The following TDRD1 variants were observed in gnomAD, a reference collection of about 807,000 sequenced individuals.
The protein encoded by TDRD1 is tudor domain-containing protein 1.
TDRD1 carries 37 observed loss-of-function variants against 140.6 expected under a neutral mutation model. The ratio of observed to expected loss-of-function variants is 0.26; its 90% confidence interval spans 0.20 to 0.35. TDRD1 has a LOEUF of 0.35. Among genes scored for constraint, TDRD1 ranks in the 10% least tolerant of loss-of-function variants. The pLI is 1.00. For missense variants in TDRD1, 1,243 were observed against 1,393.0 expected (o/e 0.89, Z 1.71); for synonymous variants, 506 against 475.7 (o/e 1.06, Z -0.83).
chr10:114,229,602 G>A (rs1295283204), intron 25 of TDRD1, among the ~76,000 whole-genome samples: 1 of 140,608 alleles, frequency 7.1e-6, no homozygotes, highest in Non-Finnish European at 1.5e-5. Context: ...AGGCTGGAGT[G>A]CAATGGCGTG....
chr10:114,187,461 CT>C (rs1215754550), intron 1 of TDRD1, among the ~76,000 whole-genome samples: 3 of 152,220 alleles, frequency 2.0e-5, no homozygotes, highest in Non-Finnish European at 4.4e-5. Context: ...TTAAACACAC[CT>C]CTTCCGTTGC....
chr10:114,228,260 G>A lies in TDRD1; in HGVS notation c.3538+135G>A, dbSNP rs1407311230. The A allele has an allele frequency of 1.4e-5, 20 of 1,432,564 alleles. No individual in the cohort carries two copies. In the East Asian group the frequency reaches 4.3e-4, roughly 31 times the overall value. The allele number at this position is 1,432,564 out of a possible 1,614,324, so 88.7% of individuals were successfully genotyped here. A position where few individuals can be genotyped will look rare whatever the true frequency, so the allele number is the denominator to read the frequency against. ...TACTTTCGTGATTTAATGACCTGAG[G>A]TTTGGTCATAATGCTTCTGCTGTTT... On this transcript the variant is annotated intron_variant, in intron 25 of 25. Coordinates refer to ENST00000251864, the Ensembl canonical transcript of TDRD1.
intron 11 of TDRD1, among the ~76,000 whole-genome samples, 160 bp from the exon 12 acceptor site, chr10:114,210,421 A>G (rs2035405799): frequency 6.6e-6 from 1 of 152,222 alleles, no homozygotes; most frequent in Admixed American, 6.5e-5. Context: ...ATAAACATTT[A>G]TTACTGGGAA....
chr10:114,186,422 C>G (rs1035718166), intron 1 of TDRD1, among the ~76,000 whole-genome samples: 6 of 152,108 alleles, frequency 3.9e-5, no homozygotes, highest in Non-Finnish European at 7.4e-5. Context: ...CGCCACCACG[C>G]CTGGCTAATT....
chr10:114,225,539 C>A (rs1306909219), intron 21 of TDRD1, among the ~76,000 whole-genome samples: 1 of 146,062 alleles, frequency 6.8e-6, no homozygotes, highest in Non-Finnish European at 1.5e-5. Flanking sequence ...CTCTTGTTCT[C>A]TACTCTATTC....
At chr10:114,214,665 A>G (rs568448352) in intron 16 of TDRD1, among the ~76,000 whole-genome samples, 73 of 152,156 alleles carry the variant, frequency 4.8e-4, no homozygotes, top group African/African-American at 1.7e-3. Flanking sequence ...CCTCTAAGTC[A>G]AGCAATAAAA....
Position 114,227,120 on chromosome 10 carries a change from TA to T in TDRD1, c.3230del (p.Asn1077IlefsTer4). ...TCTTCTCAATTAATAATAATGCTAT[TA>T]AAAAATTTCATGTTGAATCAGAATG... is the stretch of plus-strand genomic sequence containing the variant. On this transcript the variant is annotated frameshift_variant, in exon 23 of 26. Transcript: ENST00000251864. LOFTEE classifies it high-confidence loss of function. 1 of 1,597,598 alleles carries T rather than the reference TA, an allele frequency of 6.3e-7. No individual in the cohort carries two copies. Among genetic ancestry groups the T allele is most frequent in the Non-Finnish European group, 8.6e-7 (1 of 1,165,148 alleles).
chr10:114,201,298 C>A, intron 4 of TDRD1, 112 bp from the exon 5 acceptor site: 1 of 808,998 alleles, frequency 1.2e-6, no homozygotes, highest in Non-Finnish European at 2.1e-6. Flanking sequence ...AACACCTGAT[C>A]CTAAATAGCA....
intron 1 of TDRD1, among the ~76,000 whole-genome samples, chr10:114,185,468 G>A (rs2033441840): frequency 6.6e-6 from 1 of 151,992 alleles, no homozygotes; most frequent in Non-Finnish European, 1.5e-5. Flanking sequence ...TGGATTACAG[G>A]CGTGAGCCAC....
chr10:114,197,697 G>C (rs2034463732), intron 3 of TDRD1, among the ~76,000 whole-genome samples: 2 of 146,500 alleles, frequency 1.4e-5, no homozygotes, highest in Non-Finnish European at 3.0e-5. Context: ...TCGTTCTGTT[G>C]CCCAGGCTAG....
intron 3 of TDRD1, among the ~76,000 whole-genome samples, chr10:114,191,938 T>C (rs79709815): frequency 1.8e-3 from 267 of 152,352 alleles, no homozygotes; most frequent in African/African-American, 5.9e-3. Flanking sequence ...TACTATCTCA[T>C]TGTGGTTTAA....
chr10:114,224,132 T>A (rs1212833480), intron 21 of TDRD1, among the ~76,000 whole-genome samples: 1 of 152,204 alleles, frequency 6.6e-6, no homozygotes, highest in Non-Finnish European at 1.5e-5. Context: ...TAAGACAAAT[T>A]TTCTGTTATC....
intron 23 of TDRD1, 87 bp from the exon 24 acceptor site, chr10:114,227,823 G>T: frequency 9.7e-7 from 1 of 1,030,188 alleles, no homozygotes; most frequent in African/African-American, 1.6e-5. Flanking sequence ...GCGCAAGGGG[G>T]AGAGCTATCT....
At chr10:114,199,292 A>G in exon 4 of TDRD1, 2 of 1,612,258 alleles carry the variant, frequency 1.2e-6, no homozygotes, top group Non-Finnish European at 1.7e-6. Context: ...TTCGGTCCAC[A>G]ACTTGCCATC....
chr10:114,219,721 G>T (rs1486791173), intron 18 of TDRD1, among the ~76,000 whole-genome samples: 1 of 151,808 alleles, frequency 6.6e-6, no homozygotes, highest in African/African-American at 2.4e-5. Flanking sequence ...CTCCTGAGTA[G>T]CTGGGATTAC....
chr10:114,187,982 C>T (rs779257086), exon 2 of TDRD1: 3 of 1,613,994 alleles, frequency 1.9e-6, no homozygotes, highest in Non-Finnish European at 2.5e-6. Context: ...TCCTAACCAC[C>T]CTAATTTCAG....
At chr10:114,221,297 AG>A in intron 19 of TDRD1, 59 bp from the exon 20 acceptor site, 1 of 1,499,284 alleles carries the variant, frequency 6.7e-7, no homozygotes, top group Admixed American at 1.9e-5. Context: ...TATGTTACTG[AG>A]GAAAACAACA....
Position 114,227,768 on chromosome 10 carries a change from C to G in TDRD1, c.3404-142C>G, listed in dbSNP as rs1206404689. 3 of 649,776 alleles carry G rather than the reference C, an allele frequency of 4.6e-6. No individual in the cohort carries two copies. The African/African-American group carries it at 5.4e-5, about 12-fold the overall frequency. The allele number at this position is 649,776 out of a possible 1,614,324, so 40.3% of individuals were successfully genotyped here. ...TCCAGACCATGGTAGTAGATAATCT[C>G]AAAGCCCAAATGGATCCATCCAGGT... On this transcript the variant is annotated intron_variant, in intron 23 of 25. Transcript: ENST00000251864.
intron 11 of TDRD1, among the ~76,000 whole-genome samples, chr10:114,206,606 G>A (rs1340027823): frequency 6.9e-6 from 1 of 143,956 alleles, no homozygotes; most frequent in African/African-American, 2.6e-5. Context: ...TTAGAGTTAG[G>A]GTTTGTTTTT....
Sources: allele counts gnomAD v4.1 joint callset (sites outside exome capture counted in the v4.1 genomes callset), GRCh38; gene constraint gnomAD v4.1.1; transcripts MANE v1.5; gene names NCBI Gene and HGNC (gene_info 2026-07-23, HGNC 2026-07-21).